The following FAM20A variants were observed in gnomAD, a reference collection of about 807,000 sequenced individuals.
FAM20A encodes the protein FAM20A golgi associated secretory pathway pseudokinase.
A neutral mutation model predicts 52.0 loss-of-function variants in FAM20A; 42 were observed. That is an observed-to-expected ratio of 0.81 (90% CI 0.63 to 1.04). FAM20A has a LOEUF of 1.04. Among genes scored for constraint, FAM20A ranks in the 50% least tolerant of loss-of-function variants. The pLI is 0.00. For missense variants in FAM20A, 742 were observed against 712.7 expected, an observed-to-expected ratio of 1.04 and a Z score of -0.47; for synonymous variants, 304 against 298.9, an observed-to-expected ratio of 1.02 and a Z score of -0.18.
chr17:68,596,033 C>T (rs1302833859), intron 1 of FAM20A, among the ~76,000 whole-genome samples: 1 of 152,186 alleles, frequency 6.6e-6, no homozygotes, highest in Admixed American at 6.5e-5. Context: ...AAGCATCCCC[C>T]AGAAAAACTT....
At chr17:68,580,807 C>T (rs565562648) in intron 1 of FAM20A, among the ~76,000 whole-genome samples, 1 of 152,164 alleles carries the variant, frequency 6.6e-6, no homozygotes, top group African/African-American at 2.4e-5. Flanking sequence ...TCTTTTAACT[C>T]ATTTCACCCC....
chr17:68,539,717 G>T (rs751432566), intron 9 of FAM20A, among the ~76,000 whole-genome samples, 168 bp downstream of exon 9: 1 of 152,222 alleles, frequency 6.6e-6, no homozygotes, highest in Non-Finnish European at 1.5e-5. Flanking sequence ...AGTGGTTCTT[G>T]CAAAGGTAAA....
At position 68,542,031 on chromosome 17, in the gene FAM20A, C is replaced by A. The variant is rs1481715306; in HGVS notation, c.1063G>T (p.Val355Leu). The A allele has an allele frequency of 1.2e-6, 2 of 1,614,086 alleles. No individual in the cohort carries two copies. The highest frequency in any genetic ancestry group is 1.7e-6 in the Non-Finnish European group (2 of 1,180,000). ...PSLNLAPRLS[V>L]PNPWIRSYTL... ...TAGGAGCGGATCCAGGGGTTGGGCA[C>A]AGACAGCCTGGGGGCCAGGTTGAGG... is the stretch of plus-strand genomic sequence containing the variant. Residue 355 changes from valine (V) to leucine (L), a missense_variant, in exon 7 of 11, where the codon GTG becomes TTG. By Grantham distance (32) the Val-to-Leu change is conservative. Transcript: ENST00000592554.
At chr17:68,570,003 A>G (rs1427389621) in intron 1 of FAM20A, among the ~76,000 whole-genome samples, 2 of 152,184 alleles carry the variant, frequency 1.3e-5, no homozygotes, top group African/African-American at 4.8e-5. Flanking sequence ...AGACACCACA[A>G]AGGTAGAGTC....
rs760465494 is a variant in FAM20A, at chr17:68,579,482, G to T, written c.404+20781C>A. Reference sequence around the variant, plus strand: ...GAAAAGAGGGCCTAGAGTCCAAAGTGATTGGACTTTTGAAAAATAAACCAA... The same window carrying T: ...GAAAAGAGGGCCTAGAGTCCAAAGTTATTGGACTTTTGAAAAATAAACCAA... On this transcript the variant is annotated intron_variant, in intron 1 of 10. Coordinates refer to ENST00000592554, the MANE Select transcript of FAM20A (RefSeq NM_017565.4). 4.0e-4 allele frequency among the ~76,000 whole-genome samples: 61 copies of T among 152,234 alleles called. 2 individuals are homozygous for T. In the Middle Eastern group the frequency reaches 0.014, roughly 34 times the overall value.
chr17:68,565,383 C>CTTTTTTTTTTTTTTTTTTTT (rs796800181), intron 1 of FAM20A, among the ~76,000 whole-genome samples: 2 of 103,780 alleles, frequency 1.9e-5, no homozygotes, highest in African/African-American at 8.7e-5. Context: ...CCATTACCTC[C>CTTTTTTTTTTTTTTTTTTTT]TTTTTTTTTT....
intron 5 of FAM20A, 31 bp from the exon 6 acceptor site, chr17:68,542,840 G>A (rs2086370297): frequency 6.6e-7 from 1 of 1,518,124 alleles, no homozygotes; most frequent in African/African-American, 1.4e-5. Context: ...TTCCATCTGA[G>A]GGATGATCAG....
At chr17:68,599,821 G>A (rs1381831434) in intron 1 of FAM20A, among the ~76,000 whole-genome samples, 1 of 152,192 alleles carries the variant, frequency 6.6e-6, no homozygotes, top group South Asian at 2.1e-4. Context: ...GCACAGTTAA[G>A]TGCTGAATTT....
rs1386005874 is a variant in FAM20A at position 68,581,418 on chromosome 17, T to TTTCTTTC, written c.404+18844_404+18845insGAAAGAA. Among the ~76,000 whole-genome samples the TTTCTTTC allele has an allele frequency of 1.9e-3, 100 of 52,080 alleles. 1 individual carries two copies. The highest frequency in any genetic ancestry group is 3.6e-3 in the Admixed American group (15 of 4,140). The allele number at this position is 52,080 out of a possible 152,430, so 34.2% of individuals were successfully genotyped here. A position where few individuals can be genotyped will look rare whatever the true frequency, so the allele number is the denominator to read the frequency against. Reference sequence around the variant, plus strand: ...TCTTTCTTTCTTTCTTTCTTTCTTTTTCTCTTTTCTTTCTTTCTTTTCTTT... The same window carrying TTTCTTTC: ...TCTTTCTTTCTTTCTTTCTTTCTTTTTTCTTTCTCTCTTTTCTTTCTTTCTTTTCTTT... On this transcript the variant is annotated intron_variant, in intron 1 of 10. Transcript: ENST00000592554.
chr17:68,568,932 T>A (rs966291958), intron 1 of FAM20A, among the ~76,000 whole-genome samples: 3 of 151,854 alleles, frequency 2.0e-5, no homozygotes, highest in Non-Finnish European at 4.4e-5. Context: ...GGGGAGTTTC[T>A]AACAGAATAA....
rs774473970 is a variant in FAM20A, at chr17:68,539,898, C to G, written c.1288G>C (p.Asp430His). 1.2e-5 allele frequency: 20 copies of G among 1,613,998 alleles called. No individual in the cohort carries two copies. The highest frequency in any genetic ancestry group is 1.6e-5 in the Non-Finnish European group (19 of 1,180,014). ...GGGGAAGCTCACCCTCTGGCGTTGT[C>G]AAGGTGAATAAGGAACCCATCATCC... ...FGDDGFLIHL[D>H]NARGFGRHSH... Residue 430 changes from aspartate to histidine, a missense_variant, in exon 9 of 11, where the codon GAC (aspartate) becomes CAC (histidine). Physicochemically the swap from Asp to His is moderately conservative, Grantham distance 81. Transcript: ENST00000592554.
chr17:68,557,025 C>T (rs1364087856), intron 1 of FAM20A, among the ~76,000 whole-genome samples: 1 of 151,820 alleles, frequency 6.6e-6, no homozygotes, highest in African/African-American at 2.4e-5. Context: ...AATGATAAAG[C>T]CCCGTCTCTA....
rs73363208 is a variant in FAM20A, at chr17:68,535,356, T to C, written c.*2121A>G. 1,571 of 454,096 alleles carry C rather than the reference T, an allele frequency of 3.5e-3. 18 individuals carry two copies. The highest frequency in any genetic ancestry group is 0.029 in the African/African-American group (1,440 of 50,110). 28.1% of individuals were successfully genotyped at this position (454,096 alleles called of 1,614,324 possible). On this transcript the variant is annotated 3_prime_UTR_variant, in exon 11 of 11. Coordinates refer to ENST00000592554, the MANE Select transcript of FAM20A (RefSeq NM_017565.4). ...TCTGTTTGTAGAGTGCAGCAAAATGTGTATATAGGCCATTGGAAAACCAGT... is the reference window on the plus strand; with the variant it reads ...TCTGTTTGTAGAGTGCAGCAAAATGCGTATATAGGCCATTGGAAAACCAGT...
At chr17:68,551,246 T>A in intron 4 of FAM20A, 1 of 765,498 alleles carries the variant, frequency 1.3e-6, no homozygotes, top group Non-Finnish European at 1.8e-6. Flanking sequence ...CACTCATCTC[T>A]ATGTTTCACA....
At chr17:68,545,549 A>G (rs931234136) in intron 4 of FAM20A, among the ~76,000 whole-genome samples, 3 of 152,246 alleles carry the variant, frequency 2.0e-5, no homozygotes, top group Non-Finnish European at 2.9e-5. Context: ...TCAGCAAGTC[A>G]TAATCTTTTT....
At chr17:68,553,953 TATGCATATATACATATATACACAC>T (rs71372117) in intron 3 of FAM20A, among the ~76,000 whole-genome samples, 6 of 106,600 alleles carry the variant, frequency 5.6e-5, no homozygotes, top group South Asian at 5.7e-4. Context: ...TACACACATA[TATGCATATATACATATATACACAC>T]ATGCATATAT....
rs576982595 is a variant in FAM20A, at chr17:68,536,814, T to C, written c.*663A>G. On this transcript the variant is annotated 3_prime_UTR_variant, in exon 11 of 11. Coordinates refer to ENST00000592554, the MANE Select transcript of FAM20A (RefSeq NM_017565.4). ...ATATTTGATGTTATTTCAATTGTAA[T>C]ACTCTTCAAATTGGAACACTCCTTT... 1.3e-5 allele frequency: 6 copies of C among 454,160 alleles called. No homozygotes were observed. The highest frequency in any genetic ancestry group is 1.2e-4 in the African/African-American group (6 of 50,142). 28.1% of individuals were successfully genotyped at this position (454,160 alleles called of 1,614,324 possible). A position where few individuals can be genotyped will look rare whatever the true frequency, so the allele number is the denominator to read the frequency against.
At chr17:68,542,295 A>G (rs576243251) in intron 6 of FAM20A, 130 bp from the exon 7 acceptor site, 35 of 1,035,198 alleles carry the variant, frequency 3.4e-5, no homozygotes, top group East Asian at 1.6e-4. Context: ...AAAGAAGAAG[A>G]AGGAAACATT....
intron 1 of FAM20A, among the ~76,000 whole-genome samples, chr17:68,578,838 C>CA (rs5821664): frequency 0.28 from 10,239 of 36,030 alleles, 2,147 homozygotes; most frequent in Non-Finnish European, 0.31. Flanking sequence ...CTAAAAATAC[C>CA]AAAAAAAAAA....
Sources: gnomAD v4.1 joint callset for allele counts (sites outside exome capture counted in the v4.1 genomes callset) on GRCh38, gnomAD v4.1.1 for gene constraint, MANE v1.5 for transcripts, NCBI Gene and HGNC (gene_info 2026-07-23, HGNC 2026-07-21) for gene names.